GAB1: variants seen among roughly 807,000 people sequenced by gnomAD.
GAB1 encodes GRB2 associated binding protein 1, also known as GRB2-associated-binding protein 1.
GAB1 carries 19 observed loss-of-function variants against 66.5 expected under a neutral mutation model. The ratio of observed to expected loss-of-function variants is 0.29; its 90% CI spans 0.20 to 0.42. The LOEUF (loss-of-function observed/expected upper bound fraction) is 0.42. Ranked by LOEUF, GAB1 falls within the 10% of genes least tolerant of loss-of-function variation. The probability of loss-of-function intolerance (pLI) is 1.00; values close to 1 mark genes in which losing one functional copy is unlikely to be tolerated. For synonymous variants in GAB1, 294 were observed against 301.4 expected (o/e 0.98, Z 0.25); for missense variants, 732 against 858.5 (o/e 0.85, Z 1.84).
At chr4:143,349,780 G>T in intron 1 of GAB1, 1 of 1,590,972 alleles carries the variant, frequency 6.3e-7, no homozygotes, top group South Asian at 1.1e-5. Context: ...AGCAACGAAT[G>T]CCTTGAACCT....
chr4:143,392,915 A>G (rs186799127), intron 1 of GAB1, among the ~76,000 whole-genome samples: 1 of 152,200 alleles, frequency 6.6e-6, no homozygotes, highest in African/African-American at 2.4e-5. Flanking sequence ...AAGCTTACTG[A>G]GATTTTTACT....
intron 1 of GAB1, among the ~76,000 whole-genome samples, chr4:143,410,070 G>A (rs2149710931): frequency 6.7e-6 from 1 of 149,722 alleles, no homozygotes; most frequent in African/African-American, 2.5e-5. Context: ...TTTAAGCAAA[G>A]CTCTCCGGAT....
intron 1 of GAB1, among the ~76,000 whole-genome samples, chr4:143,412,570 A>T (rs1732452671): frequency 6.6e-6 from 1 of 152,222 alleles, no homozygotes; most frequent in Admixed American, 6.5e-5. Context: ...CTACACAAAT[A>T]AATACAAAGA....
intron 2 of GAB1, among the ~76,000 whole-genome samples, chr4:143,429,357 G>A (rs977848289): frequency 1.3e-5 from 2 of 152,168 alleles, no homozygotes; most frequent in Non-Finnish European, 2.9e-5. Flanking sequence ...GCCCTCCTCA[G>A]CCTCCCAAAG....
At chr4:143,337,388 TG>T in intron 1 of GAB1, 128 bp downstream of exon 1, 1 of 785,262 alleles carries the variant, frequency 1.3e-6, no homozygotes. Context: ...TCTTTCCCCT[TG>T]GCCCCTACCC....
chr4:143,370,881 TC>T (rs1730091725), intron 1 of GAB1, among the ~76,000 whole-genome samples: 1 of 152,172 alleles, frequency 6.6e-6, no homozygotes, highest in African/African-American at 2.4e-5. Flanking sequence ...CATGAACTCA[TC>T]CTTTTTTATG....
At chr4:143,366,064 A>G (rs751893711) in intron 1 of GAB1, among the ~76,000 whole-genome samples, 15 of 152,216 alleles carry the variant, frequency 9.9e-5, no homozygotes, top group African/African-American at 2.9e-4. Context: ...GCTTTGTACA[A>G]AGGAATCATA....
At chr4:143,446,605 T>C (rs1448873954) in intron 6 of GAB1, among the ~76,000 whole-genome samples, 2 of 152,242 alleles carry the variant, frequency 1.3e-5, no homozygotes, top group Non-Finnish European at 2.9e-5. Context: ...TTGAGAAGTG[T>C]CTGTTCATAT....
chr4:143,348,675 C>T (rs1729067148), intron 1 of GAB1, among the ~76,000 whole-genome samples: 1 of 152,206 alleles, frequency 6.6e-6, no homozygotes. Flanking sequence ...AATGCCATTC[C>T]ATAGCTCGAA....
chr4:143,441,505 GA>G (rs1734228084), intron 6 of GAB1, among the ~76,000 whole-genome samples: 1 of 152,016 alleles, frequency 6.6e-6, no homozygotes, highest in Non-Finnish European at 1.5e-5. Context: ...ACTATCTTAA[GA>G]AAAAAGATTT....
chr4:143,393,495 T>G (rs557288716), intron 1 of GAB1, among the ~76,000 whole-genome samples: 6 of 152,334 alleles, frequency 3.9e-5, no homozygotes, highest in Admixed American at 3.9e-4. Flanking sequence ...TAAATGGGAA[T>G]AAATTACAGC....
chr4:143,420,627 G>T (rs1051599764), intron 2 of GAB1, among the ~76,000 whole-genome samples: 4 of 152,006 alleles, frequency 2.6e-5, no homozygotes, highest in African/African-American at 9.7e-5. Context: ...AACACAAGGT[G>T]GAAGCTGTTA....
intron 1 of GAB1, among the ~76,000 whole-genome samples, chr4:143,397,613 A>C (rs901729781): frequency 6.6e-6 from 1 of 152,206 alleles, no homozygotes; most frequent in Admixed American, 6.5e-5. Flanking sequence ...GTCATTACCT[A>C]AATATAGTAA....
At chr4:143,404,887 T>C (rs1166273618) in intron 1 of GAB1, among the ~76,000 whole-genome samples, 4 of 152,358 alleles carry the variant, frequency 2.6e-5, no homozygotes, top group African/African-American at 9.6e-5. Flanking sequence ...ACATGTTGGC[T>C]AATGGATCCT....
rs780138131 is a variant in GAB1 at position 143,468,208 on chromosome 4, CTT to C, written c.1927-799_1927-798del. Among the ~76,000 whole-genome samples, 670 of 70,056 alleles carry C rather than the reference CTT, an allele frequency of 9.6e-3. 2 individuals carry two copies. Among genetic ancestry groups the C allele is most frequent in the Admixed American group, 0.055 (270 of 4,906 alleles). The allele number at this position is 70,056 out of a possible 152,430, so 46.0% of individuals were successfully genotyped here. A position where few individuals can be genotyped will look rare whatever the true frequency, so the allele number is the denominator to read the frequency against. ...TGTCATGGAAGCATTAGTTTGAATTCTTTTTTTTTTTTTTTTTTTTTTTTTGG... is the reference window on the plus strand; with the variant it reads ...TGTCATGGAAGCATTAGTTTGAATTCTTTTTTTTTTTTTTTTTTTTTTTGG... On this transcript the variant is annotated intron_variant, in intron 9 of 9. Coordinates refer to ENST00000262994, the MANE Select transcript of GAB1 (RefSeq NM_002039.4).
rs901278943 is a variant in GAB1, at chr4:143,473,184, C to G, written c.*3995C>G. ...AAGTTCTTGATTACTGATGATCATC[C>G]CAAATTTTGACAACAAAATCATATG... On this transcript the variant is annotated 3_prime_UTR_variant, in exon 10 of 10. Coordinates refer to ENST00000262994, the MANE Select transcript of GAB1 (RefSeq NM_002039.4). The G allele has an allele frequency of 1.3e-5, 2 of 152,080 alleles. No individual in the cohort carries two copies. The highest frequency in any genetic ancestry group is 4.8e-5 in the African/African-American group (2 of 41,414). 9.4% of individuals were successfully genotyped at this position (152,080 alleles called of 1,614,324 possible).
chr4:143,402,879 T>C (rs1005115515), intron 1 of GAB1, among the ~76,000 whole-genome samples: 25 of 152,336 alleles, frequency 1.6e-4, no homozygotes, highest in Middle Eastern at 3.4e-3. Context: ...TATTTTTAAA[T>C]TGCTGTAAAC....
intron 1 of GAB1, among the ~76,000 whole-genome samples, chr4:143,360,731 T>C (rs1384206604): frequency 1.3e-5 from 2 of 152,236 alleles, no homozygotes; most frequent in Non-Finnish European, 2.9e-5. Flanking sequence ...GTGTGACTTC[T>C]GCGGCAATTT....
chr4:143,460,280 A>T, intron 7 of GAB1, 84 bp from the exon 8 acceptor site: 1 of 1,277,302 alleles, frequency 7.8e-7, no homozygotes, highest in Non-Finnish European at 1.1e-6. Context: ...GAAAGAATGC[A>T]GACTGTCTCT....
Sources: allele counts gnomAD v4.1 joint callset (sites outside exome capture counted in the v4.1 genomes callset), GRCh38; gene constraint gnomAD v4.1.1; transcripts MANE v1.5; gene names NCBI Gene and HGNC (gene_info 2026-07-23, HGNC 2026-07-21).